Variants in ZNF469 observed in about 807,000 individuals in gnomAD.
ZNF469 encodes zinc finger protein 469.
Under a neutral mutation model 1.0 loss-of-function variants are expected in ZNF469, and 1 was observed. That is an observed-to-expected ratio of 1.00 (90% CI 0.35 to 4.73). ZNF469 has a LOEUF of 4.73. ZNF469 is among the 30% of genes most tolerant of loss of function. The pLI, the probability that ZNF469 is intolerant of heterozygous loss-of-function variation, is 0.16. For missense variants in ZNF469, 6,100 were observed against 5,356.3 expected, an observed-to-expected ratio of 1.14 and a Z score of -4.33; for synonymous variants, 2,703 against 2,363.4, an observed-to-expected ratio of 1.14 and a Z score of -4.17.
chr16:88,265,521 C>T, the ZNF469 span, among the ~76,000 whole-genome samples: 3 of 152,188 alleles, frequency 2.0e-5, no homozygotes, highest in African/African-American at 4.8e-5. Flanking sequence ...GGAGGGGGCA[C>T]GGCAGTATCC....
intron 1 of ZNF469, among the ~76,000 whole-genome samples, chr16:88,407,280 C>T (rs1056158129): frequency 2.8e-5 from 3 of 107,084 alleles, no homozygotes; most frequent in Non-Finnish European, 6.2e-5. Flanking sequence ...TCCAGGGATC[C>T]GTCCGGAACC....
the ZNF469 span, among the ~76,000 whole-genome samples, chr16:88,193,047 GATGATGGT>G: frequency 2.2e-5 from 3 of 138,356 alleles, no homozygotes; most frequent in South Asian, 2.3e-4. Flanking sequence ...TGGTGGTGGT[GATGATGGT>G]GATGGTGGTG....
Position 88,388,862 on chromosome 16 carries a change from G to A in ZNF469, c.-192+5608G>A, listed in dbSNP as rs545810108. Among the ~76,000 whole-genome samples, 3 of 152,052 alleles carry A rather than the reference G, an allele frequency of 2.0e-5. No individual in the cohort carries two copies. The East Asian group carries it at 5.8e-4, about 29-fold the overall frequency. ...GCCAGTCTCCATACTGGAGGAAGCT[G>A]CCCCATCTGTAGAAGCTGGGGAGCT... On this transcript the variant is annotated intron_variant, in intron 1 of 2. Coordinates refer to ENST00000565624, the MANE Select transcript of ZNF469 (RefSeq NM_001367624.2).
chr16:88,234,661 C>G, the ZNF469 span: 1 of 152,256 alleles, frequency 6.6e-6, no homozygotes, highest in Non-Finnish European at 1.5e-5. Context: ...TGGACGGCCT[C>G]CAGGGTCCCC....
At chr16:88,221,542 G>A in the ZNF469 span, among the ~76,000 whole-genome samples, 110 of 152,338 alleles carry the variant, frequency 7.2e-4, no homozygotes, top group African/African-American at 2.5e-3. Flanking sequence ...AGACTGTGCC[G>A]GAGAAGGGGC....
intron 1 of ZNF469, among the ~76,000 whole-genome samples, chr16:88,406,838 G>A (rs144304541): frequency 1.8e-3 from 267 of 152,314 alleles, no homozygotes; most frequent in African/African-American, 5.9e-3. Flanking sequence ...GGATGACACA[G>A]GGTTGGCGCC....
the ZNF469 span, among the ~76,000 whole-genome samples, chr16:88,133,992 G>A: frequency 6.6e-6 from 1 of 152,328 alleles, no homozygotes; most frequent in East Asian, 1.9e-4. Context: ...CTACTCGAGA[G>A]GCTGAGGCAG....
At position 88,424,746 on chromosome 16, in the gene ZNF469, G is replaced by C. The variant is rs1428671792; in HGVS notation, c.-191-61G>C. The stretch of plus-strand genomic sequence containing the variant: ...CTCCCTCCCACCTGGCTTCTCCTCG[G>C]GCTCTTGGTCCAGAGCCATGCACCA... On this transcript the variant is annotated intron_variant, in intron 1 of 2. Coordinates refer to ENST00000565624, the MANE Select transcript of ZNF469 (RefSeq NM_001367624.2). This position sits in a 1 kb window ranked among gnomAD's most constrained non-coding sequence, Gnocchi z 4.3. Among the ~76,000 whole-genome samples the C allele has an allele frequency of 6.6e-6, 1 of 152,088 alleles. No homozygotes were observed. The highest frequency in any genetic ancestry group is 1.5e-5 in the Non-Finnish European group (1 of 68,004).
intron 1 of ZNF469, among the ~76,000 whole-genome samples, chr16:88,391,633 G>C (rs1904494806): frequency 6.6e-6 from 1 of 152,260 alleles, no homozygotes; most frequent in Non-Finnish European, 1.5e-5. Flanking sequence ...CTTGGGACAG[G>C]TGGGGCCGGG....
At chr16:88,376,486 G>A in the ZNF469 span, among the ~76,000 whole-genome samples, 1 of 152,226 alleles carries the variant, frequency 6.6e-6, no homozygotes, top group African/African-American at 2.4e-5. Context: ...GGCCCAGCCC[G>A]GGTGCCTCCT....
the ZNF469 span, among the ~76,000 whole-genome samples, chr16:88,188,209 G>T: frequency 6.6e-6 from 1 of 151,866 alleles, no homozygotes; most frequent in Admixed American, 6.6e-5. Context: ...TCCAGATCAC[G>T]TCTCACCTCT....
At chr16:88,302,549 G>A in the ZNF469 span, 29 of 152,360 alleles carry the variant, frequency 1.9e-4, 1 homozygote, top group African/African-American at 6.5e-4. Flanking sequence ...GCCTGGGCTC[G>A]TCTGGACCTG....
the ZNF469 span, chr16:88,191,997 C>T: frequency 6.6e-6 from 1 of 152,170 alleles, no homozygotes; most frequent in African/African-American, 2.4e-5. Context: ...TAGATGAGGC[C>T]ATGAAGGTGG....
the ZNF469 span, among the ~76,000 whole-genome samples, chr16:88,305,394 GCA>G: frequency 2.0e-4 from 24 of 117,294 alleles, no homozygotes; most frequent in Middle Eastern, 8.5e-3. Context: ...CCTCACATGT[GCA>G]CACACACGCT....
the ZNF469 span, among the ~76,000 whole-genome samples, chr16:88,283,295 T>TA: frequency 7.4e-4 from 101 of 135,842 alleles, no homozygotes; most frequent in South Asian, 4.7e-3. Context: ...ACATTTTAAC[T>TA]AAAAAAAAAA....
chr16:88,329,310 G>T, the ZNF469 span, among the ~76,000 whole-genome samples: 1 of 152,250 alleles, frequency 6.6e-6, no homozygotes, highest in South Asian at 2.1e-4. Context: ...TGGAAGGAAA[G>T]GCCTGGGTTA....
At chr16:88,191,651 C>T in the ZNF469 span, 4 of 152,258 alleles carry the variant, frequency 2.6e-5, no homozygotes, top group African/African-American at 9.7e-5. Context: ...CGCCTGGGAA[C>T]CAATTGCTGG....
chr16:88,286,837 C>A, the ZNF469 span, among the ~76,000 whole-genome samples: 1 of 152,170 alleles, frequency 6.6e-6, no homozygotes, highest in African/African-American at 2.4e-5. Context: ...AATACTGCAT[C>A]CATCCAGGTC....
chr16:88,130,244 A>G, the ZNF469 span, among the ~76,000 whole-genome samples: 8 of 152,166 alleles, frequency 5.3e-5, no homozygotes, highest in South Asian at 6.2e-4. Flanking sequence ...GCCGGGGTCG[A>G]GGCCATCTGG....
Sources: gnomAD v4.1 joint callset for allele counts (sites outside exome capture counted in the v4.1 genomes callset) on GRCh38, gnomAD v4.1.1 for gene constraint, Gnocchi (gnomAD v3.1) non-coding constraint, MANE v1.5 for transcripts, NCBI Gene and HGNC (gene_info 2026-07-23, HGNC 2026-07-21) for gene names.